The following SARS2 variants were observed in gnomAD, a reference collection of about 807,000 sequenced individuals.
SARS2 encodes serine--tRNA ligase, mitochondrial.
In SARS2, 52 loss-of-function variants were observed where a neutral mutation model predicts 66.8. That is an observed-to-expected ratio of 0.78 (90% confidence interval 0.62 to 0.98). The LOEUF (loss-of-function observed/expected upper bound fraction) is 0.98, where lower values mean the gene tolerates loss of function less well. Ranked by LOEUF, SARS2 falls within the 50% of genes least tolerant of loss-of-function variation. The pLI is 0.00. For synonymous variants in SARS2, 306 were observed against 281.4 expected, an observed-to-expected ratio of 1.09 and a Z score of -0.87; for missense variants, 673 against 706.3, an observed-to-expected ratio of 0.95 and a Z score of 0.53.
At position 38,916,066 on chromosome 19, in the gene SARS2, C is replaced by T. The variant is rs772617303; in HGVS notation, c.1318G>A (p.Glu440Lys). 1.4e-5 allele frequency: 23 copies of T among 1,613,698 alleles called. No homozygotes were observed. The highest frequency in any genetic ancestry group is 8.9e-5 in the East Asian group (4 of 44,886). Residue 440 changes from glutamate to lysine, a missense_variant, in exon 14 of 16, where the codon GAG (glutamate) becomes AAG (lysine). Physicochemically the swap from Glu to Lys is moderately conservative, Grantham distance 56. Transcript: ENST00000221431. ...TGGGCAAACTGCAGCTCCCCAGCCT[C>T]GGTCTGGAACATGATGTGGAGGCGG... ...SRRLHIMFQTEAGELQFAHTV... is the reference protein window; with the variant it reads ...SRRLHIMFQTKAGELQFAHTV...
At chr19:38,920,003 C>G in intron 6 of SARS2, 83 bp downstream of exon 6, 1 of 1,406,060 alleles carries the variant, frequency 7.1e-7, no homozygotes, top group Non-Finnish European at 9.9e-7. Flanking sequence ...CCACATCTCA[C>G]GCTGAGGCCA....
chr19:38,922,116 A>T (rs772990256), intron 3 of SARS2, 122 bp downstream of exon 3: 11 of 1,490,906 alleles, frequency 7.4e-6, no homozygotes, highest in Non-Finnish European at 9.2e-6. Context: ...AATAGAGCCT[A>T]TTTTTTTTTT....
At chr19:38,920,844 GACACACAGATACAT>G (rs1217943081) in intron 5 of SARS2, among the ~76,000 whole-genome samples, 3 of 149,324 alleles carry the variant, frequency 2.0e-5, no homozygotes, top group Non-Finnish European at 4.5e-5. Context: ...CACAGAGAAA[GACACACAGATACAT>G]ACACACAGAT....
chr19:38,917,615 C>T, intron 12 of SARS2, 109 bp downstream of exon 12: 2 of 769,200 alleles, frequency 2.6e-6, no homozygotes, highest in East Asian at 2.8e-5. Context: ...AAAATGGGGG[C>T]AACGAGGGGG....
At position 38,917,916 on chromosome 19, in the gene SARS2, C is replaced by G. The variant is rs1568423687; in HGVS notation, c.1050+5G>C. ...CCAGCCCCGTTTAGTCCCAGCGACA[C>G]CAGCCTTGGTGAAGTGGTGTACTCG... On this transcript the variant is annotated splice_donor_5th_base_variant and intron_variant, in intron 11 of 15. Transcript: ENST00000221431. 7 of 1,612,718 alleles carry G rather than the reference C, an allele frequency of 4.3e-6. No individual in the cohort carries two copies. The highest frequency in any genetic ancestry group is 4.2e-6 in the Non-Finnish European group (5 of 1,179,346).
At chr19:38,920,926 GACAC>G (rs1390590571) in intron 5 of SARS2, among the ~76,000 whole-genome samples, 2 of 132,978 alleles carry the variant, frequency 1.5e-5, no homozygotes, top group Non-Finnish European at 3.2e-5. Flanking sequence ...CACAGAGATA[GACAC>G]ACACATAGAC....
chr19:38,925,145 C>G (rs1463886109), intron 2 of SARS2, among the ~76,000 whole-genome samples: 2 of 152,038 alleles, frequency 1.3e-5, no homozygotes, highest in Non-Finnish European at 2.9e-5. Flanking sequence ...GAAACCCTAT[C>G]TCTACTAAAA....
chr19:38,915,727 G>A lies in SARS2; in HGVS notation c.1436C>T (p.Pro479Leu), dbSNP rs1185974822. The A allele has an allele frequency of 6.2e-7, 1 of 1,612,994 alleles. No homozygotes were observed. The highest frequency in any genetic ancestry group is 1.7e-5 in the Admixed American group (1 of 60,004). Residue 479 changes from proline (P) to leucine (L), a missense_variant, in exon 16 of 16, where the codon CCT becomes CTT. Transcript: ENST00000221431. ...AGTGCCGAGGTAGGACTGGAGGGCA[G>A]GGGGCACGAGCACTGAGCCGTCCTG... ...QQKDGSVLVP[P>L]ALQSYLGTDR...
In SARS2 at chr19:38,916,319, G is replaced by A. The variant is rs761831814; in HGVS notation, c.1161-5C>T. 21 of 1,613,390 alleles carry A rather than the reference G, an allele frequency of 1.3e-5. No homozygotes were observed. Among genetic ancestry groups the A allele is most frequent in the East Asian group, 2.2e-5 (1 of 44,860 alleles). On this transcript the variant is annotated splice_region_variant and splice_polypyrimidine_tract_variant and intron_variant, in intron 12 of 15. Coordinates refer to ENST00000221431, the MANE Select transcript of SARS2 (RefSeq NM_017827.4). ...TGGGTGGGCATATCCAGGACCCTGC[G>A]GTCAAGGACGAAGGTGTGGGGAAGG...
chr19:38,919,485 T>G (rs1326762485), intron 7 of SARS2, among the ~76,000 whole-genome samples: 1 of 152,164 alleles, frequency 6.6e-6, no homozygotes, highest in African/African-American at 2.4e-5. Context: ...GTGCAATGAT[T>G]ACAAGCACAG....
chr19:38,929,109 C>T (rs951558686), intron 1 of SARS2, among the ~76,000 whole-genome samples: 1 of 151,832 alleles, frequency 6.6e-6, no homozygotes, highest in Admixed American at 6.6e-5. Flanking sequence ...CCCAGCTACT[C>T]GGGAGGCTGA....
In SARS2 at chr19:38,916,099, G is replaced by T. The variant is rs751384468; in HGVS notation, c.1285C>A (p.Gln429Lys). ...AACATGATGTGGAGGCGGCGGCTCT[G>T]GAAGTCTGTGCAGTTGGAAGCACTG... ...VTSASNCTDF[Q>K]SRRLHIMFQT... The change falls in exon 14 of 16, where the codon CAG becomes AAG. Residue 429 changes from glutamine (Q) to lysine (K), a missense_variant. Physicochemically the swap from Gln to Lys is moderately conservative, Grantham distance 53. Coordinates refer to ENST00000221431, the MANE Select transcript of SARS2 (RefSeq NM_017827.4). 1 of 1,613,954 alleles carries T rather than the reference G, an allele frequency of 6.2e-7. No individual in the cohort carries two copies. The highest frequency in any genetic ancestry group is 8.5e-7 in the Non-Finnish European group (1 of 1,179,966).
intron 3 of SARS2, 25 bp from the exon 4 acceptor site, chr19:38,921,692 G>A: frequency 1.2e-6 from 2 of 1,613,384 alleles, no homozygotes; most frequent in Non-Finnish European, 1.7e-6. Context: ...GGTGGGCTCA[G>A]CCCGGGAGAG....
Position 38,918,017 on chromosome 19 carries a change from G to C in SARS2, c.963-9C>G. The C allele has an allele frequency of 1.9e-6, 3 of 1,600,760 alleles. No individual in the cohort carries two copies. Among genetic ancestry groups the C allele is most frequent in the Non-Finnish European group, 2.6e-6 (3 of 1,173,446 alleles). On this transcript the variant is annotated splice_polypyrimidine_tract_variant and intron_variant, in intron 10 of 15. Transcript: ENST00000221431. ...TGCTGGAGCAAACCATCCTGGCAGA[G>C]AGCAGGGAAAGTCGGGTCAAGGAGG...
At position 38,927,726 on chromosome 19, in the gene SARS2, GTTTTGT is replaced by G. The variant is rs1414319686; in HGVS notation, c.268-1432_268-1427del. On this transcript the variant is annotated intron_variant, in intron 1 of 15. Transcript: ENST00000221431. ...TTCTTGCCAACACTTGTCCTTTTCT[GTTTTGT>G]TTTTAATAATAGCTACTTGAGGCTG... 4.6e-5 allele frequency among the ~76,000 whole-genome samples: 7 copies of G among 152,066 alleles called. No individual in the cohort carries two copies. In the East Asian group the frequency reaches 1.4e-3, roughly 29 times the overall value.
At chr19:38,921,333 G>A in intron 5 of SARS2, 59 bp downstream of exon 5, 1 of 1,584,914 alleles carries the variant, frequency 6.3e-7, no homozygotes, top group Non-Finnish European at 8.6e-7. Flanking sequence ...CCCACCCCGA[G>A]ACCCCAGAAC....
At chr19:38,920,986 G>GAC (rs1555743842) in intron 5 of SARS2, among the ~76,000 whole-genome samples, 9 of 141,176 alleles carry the variant, frequency 6.4e-5, no homozygotes, top group South Asian at 2.3e-4. Context: ...CACAAACACA[G>GAC]ACACACACAC....
Position 38,918,118 on chromosome 19 carries a change from A to C in SARS2, c.938T>G (p.Val313Gly). Residue 313 changes from valine to glycine, a missense_variant, in exon 10 of 16, where the codon GTG becomes GGG. Transcript: ENST00000221431. ...CCTGACTGGCAGGTCCCTGAAGGCC[A>C]CGGTGTGGTCCATGAAGTAGCCTGG... ...GLAGYFMDHT[V>G]AFRDLPVRMV... The C allele has an allele frequency of 6.2e-7, 1 of 1,600,692 alleles. No homozygotes were observed. The highest frequency in any genetic ancestry group is 1.1e-5 in the South Asian group (1 of 88,784).
chr19:38,917,517 C>A (rs79746014), intron 12 of SARS2, among the ~76,000 whole-genome samples: 1 of 152,320 alleles, frequency 6.6e-6, no homozygotes, highest in South Asian at 2.1e-4. Flanking sequence ...GTGCACTGTT[C>A]GTGCTTCTGT....
Sources: gnomAD v4.1 joint callset for allele counts (sites outside exome capture counted in the v4.1 genomes callset) on GRCh38, gnomAD v4.1.1 for gene constraint, MANE v1.5 for transcripts, NCBI Gene and HGNC (gene_info 2026-07-23, HGNC 2026-07-21) for gene names.